Variants in TPCN1 observed in about 807,000 individuals in gnomAD.
The protein encoded by TPCN1 is two pore channel protein 1.
A neutral mutation model predicts 108.8 loss-of-function variants in TPCN1; 52 were observed. The ratio of observed to expected loss-of-function variants is 0.48; its 90% CI spans 0.38 to 0.60. The LOEUF (loss-of-function observed/expected upper bound fraction) is 0.60. Among genes scored for constraint, TPCN1 ranks in the 20% least tolerant of loss-of-function variants. The pLI is 0.00. For synonymous variants in TPCN1, 446 were observed against 433.7 expected, an observed-to-expected ratio of 1.03 and a Z score of -0.35; for missense variants, 806 against 1,072.8, an observed-to-expected ratio of 0.75 and a Z score of 3.47.
chr12:113,235,330 A>G (rs1032751692), intron 2 of TPCN1, among the ~76,000 whole-genome samples: 10 of 152,164 alleles, frequency 6.6e-5, no homozygotes, highest in Admixed American at 5.2e-4. Flanking sequence ...GAGTCTATGG[A>G]GTGCTCATTC....
chr12:113,264,719 T>TATCAA (rs1377083362), intron 3 of TPCN1, among the ~76,000 whole-genome samples: 1 of 152,104 alleles, frequency 6.6e-6, no homozygotes, highest in Non-Finnish European at 1.5e-5. Context: ...AACATATAAA[T>TATCAA]ATATCAAAAT....
chr12:113,225,114 G>T (rs1012277484), intron 1 of TPCN1: 4 of 351,334 alleles, frequency 1.1e-5, no homozygotes, highest in South Asian at 2.1e-5. Context: ...GACTGCAGTG[G>T]TGTGATCATA....
intron 2 of TPCN1, among the ~76,000 whole-genome samples, chr12:113,246,596 A>G (rs1040056687): frequency 2.6e-5 from 4 of 152,140 alleles, no homozygotes; most frequent in African/African-American, 9.7e-5. Context: ...GTTGCCTCCC[A>G]GGAAAGGTAA....
At position 113,235,804 on chromosome 12, in the gene TPCN1, G is replaced by A. The variant is rs569493567; in HGVS notation, c.112+8840G>A. ...GAAGATGGGGGCAGGAGGAGATGGC[G>A]TGCTTCCTCTTGGTGAGGGGTTGGG... is the stretch of plus-strand genomic sequence containing the variant. On this transcript the variant is annotated intron_variant, in intron 2 of 27. Transcript: ENST00000335509. Among the ~76,000 whole-genome samples, 7 of 152,300 alleles carry A rather than the reference G, an allele frequency of 4.6e-5. No homozygotes were observed. In the South Asian group the frequency reaches 6.2e-4, roughly 14 times the overall value.
At chr12:113,271,037 C>G (rs184423227) in intron 7 of TPCN1, among the ~76,000 whole-genome samples, 3 of 152,060 alleles carry the variant, frequency 2.0e-5, no homozygotes, top group African/African-American at 7.3e-5. Flanking sequence ...GCAGGCAGAT[C>G]GCTTGAGTCC....
Position 113,232,500 on chromosome 12 carries a change from T to C in TPCN1, c.112+5536T>C, listed in dbSNP as rs1370297546. Reference sequence around the variant, plus strand: ...CACCCCGAGGTGTGCGCTCCATCACTGATGTCTGTGCCGTGGCTCTGCCTC... The same window carrying C: ...CACCCCGAGGTGTGCGCTCCATCACCGATGTCTGTGCCGTGGCTCTGCCTC... On this transcript the variant is annotated intron_variant, in intron 2 of 27. Coordinates refer to ENST00000335509, the MANE Select transcript of TPCN1 (RefSeq NM_017901.6). This position sits in a 1 kb window ranked among gnomAD's most constrained non-coding sequence, Gnocchi z 5.6. 6.6e-6 allele frequency among the ~76,000 whole-genome samples: 1 copy of C among 152,256 alleles called. No individual in the cohort carries two copies. Among genetic ancestry groups the C allele is most frequent in the African/African-American group, 2.4e-5 (1 of 41,482 alleles).
rs772368708 is a variant in TPCN1 at position 113,266,906 on chromosome 12, G to A, written c.414+550G>A. 2.0e-5 allele frequency among the ~76,000 whole-genome samples: 3 copies of A among 152,190 alleles called. No homozygotes were observed. The highest frequency in any genetic ancestry group is 7.2e-5 in the African/African-American group (3 of 41,448). On this transcript the variant is annotated intron_variant, in intron 4 of 27. Transcript: ENST00000335509. This position sits in a 1 kb window ranked among gnomAD's most constrained non-coding sequence, Gnocchi z 4.2. ...TGTTGAGTTAGGAAGCGCTCATCCA[G>A]CCTGGCCTCCAAGGCCCTCCATGAC...
chr12:113,274,610 GTATAT>G (rs1383351920), intron 10 of TPCN1, among the ~76,000 whole-genome samples: 1 of 152,220 alleles, frequency 6.6e-6, no homozygotes, highest in Non-Finnish European at 1.5e-5. Context: ...AGAAGGCCAA[GTATAT>G]TATAATAACC....
chr12:113,280,613 T>G (rs186632258), intron 15 of TPCN1, among the ~76,000 whole-genome samples: 151 of 152,358 alleles, frequency 9.9e-4, no homozygotes, highest in Middle Eastern at 3.4e-3. Flanking sequence ...TGGAAGCCAC[T>G]GGCCACATGT....
At position 113,272,633 on chromosome 12, in the gene TPCN1, T is replaced by C; in HGVS notation, c.749-25T>C. Reference sequence around the variant, plus strand: ...TGGGACCTCTGCTCTAATCCTTTTGTTTATCTGTTTCCACCCACTTCTAGG... The same window carrying C: ...TGGGACCTCTGCTCTAATCCTTTTGCTTATCTGTTTCCACCCACTTCTAGG... On this transcript the variant is annotated intron_variant, in intron 7 of 27. Transcript: ENST00000335509. The surrounding 1 kb of genome is among the most constrained non-coding windows in gnomAD (Gnocchi z 4.1). The C allele has an allele frequency of 6.2e-7, 1 of 1,611,590 alleles. No individual in the cohort carries two copies. The highest frequency in any genetic ancestry group is 8.5e-7 in the Non-Finnish European group (1 of 1,177,604).
chr12:113,236,544 G>T (rs1235205079), intron 2 of TPCN1, among the ~76,000 whole-genome samples: 2 of 152,028 alleles, frequency 1.3e-5, no homozygotes, highest in Non-Finnish European at 2.9e-5. Context: ...GAAGTAAGGA[G>T]GGGGGTTGCA....
intron 7 of TPCN1, among the ~76,000 whole-genome samples, chr12:113,271,063 G>T (rs958967490): frequency 4.0e-5 from 6 of 151,802 alleles, no homozygotes; most frequent in Non-Finnish European, 8.8e-5. Flanking sequence ...GTCGAGACCA[G>T]CCTGGGCAAG....
intron 2 of TPCN1, among the ~76,000 whole-genome samples, chr12:113,228,271 C>T (rs1323341018): frequency 1.3e-5 from 2 of 152,196 alleles, no homozygotes; most frequent in Non-Finnish European, 2.9e-5. Context: ...TTTACTTCTT[C>T]AGCTGCTCCT....
intron 2 of TPCN1, among the ~76,000 whole-genome samples, chr12:113,247,346 A>G (rs896331355): frequency 6.6e-6 from 1 of 152,180 alleles, no homozygotes; most frequent in African/African-American, 2.4e-5. Context: ...CTGACTTACC[A>G]GGACTTGGCT....
At chr12:113,233,026 C>A (rs1331161848) in intron 2 of TPCN1, among the ~76,000 whole-genome samples, 1 of 152,184 alleles carries the variant, frequency 6.6e-6, no homozygotes, top group Non-Finnish European at 1.5e-5. Context: ...GGCAGAGCGT[C>A]GGGTGTCACC....
rs780526175 is a variant in TPCN1, at chr12:113,268,913, A to G, written c.659+41A>G. 2.4e-5 allele frequency: 38 copies of G among 1,611,506 alleles called. No homozygotes were observed. Among genetic ancestry groups the G allele is most frequent in the Non-Finnish European group, 3.1e-5 (36 of 1,179,000 alleles). ...GGAGCTGGGCAGTCACTATCCTGGCATGGCCTGACCTCTGGGCCAGTGGGG... is the reference window on the plus strand; with the variant it reads ...GGAGCTGGGCAGTCACTATCCTGGCGTGGCCTGACCTCTGGGCCAGTGGGG... On this transcript the variant is annotated intron_variant, in intron 6 of 27. Transcript: ENST00000335509. This position sits in a 1 kb window ranked among gnomAD's most constrained non-coding sequence, Gnocchi z 7.3.
In TPCN1 at chr12:113,262,945, A is replaced by G. The variant is rs117944860; in HGVS notation, c.237+2453A>G. Among the ~76,000 whole-genome samples the G allele has an allele frequency of 1.9e-3, 284 of 152,312 alleles. 1 individual carries two copies. The highest frequency in any genetic ancestry group is 8.9e-3 in the East Asian group (46 of 5,188). ...TATTCTGTGTGCTATTGCATCACTT[A>G]TGAACTGACCTTGTGCATCTCCTTG... On this transcript the variant is annotated intron_variant, in intron 3 of 27. Coordinates refer to ENST00000335509, the MANE Select transcript of TPCN1 (RefSeq NM_017901.6).
At chr12:113,223,301 A>G (rs543398090) in intron 1 of TPCN1, among the ~76,000 whole-genome samples, 37 of 152,292 alleles carry the variant, frequency 2.4e-4, no homozygotes, top group African/African-American at 8.4e-4. Context: ...TGATTCGAGG[A>G]AGAAGTCAGT....
chr12:113,233,349 C>T (rs780787122), intron 2 of TPCN1, among the ~76,000 whole-genome samples: 6 of 152,234 alleles, frequency 3.9e-5, no homozygotes, highest in Non-Finnish European at 5.9e-5. Context: ...GAGCCAGAAC[C>T]GTGAACTTCT....
Sources: gnomAD v4.1 joint callset for allele counts (sites outside exome capture counted in the v4.1 genomes callset) on GRCh38, gnomAD v4.1.1 for gene constraint, Gnocchi (gnomAD v3.1) non-coding constraint, MANE v1.5 for transcripts, NCBI Gene and HGNC (gene_info 2026-07-23, HGNC 2026-07-21) for gene names.